RNF123: variants seen among roughly 807,000 people sequenced by gnomAD.
RNF123 encodes the protein E3 ubiquitin-protein ligase RNF123.
A neutral mutation model predicts 168.5 loss-of-function variants in RNF123; 86 were observed. The ratio of observed to expected loss-of-function variants is 0.51; its 90% CI spans 0.43 to 0.61. RNF123 has a LOEUF of 0.61. RNF123 is among the 20% of genes least tolerant of loss of function. RNF123 has a pLI of 0.00. For missense variants in RNF123, 1,419 were observed against 1,729.7 expected, an observed-to-expected ratio of 0.82 and a Z score of 3.19; for synonymous variants, 666 against 689.1, an observed-to-expected ratio of 0.97 and a Z score of 0.52.
Position 49,704,649 on chromosome 3 carries a change from G to A in RNF123, c.1853-1G>A, listed in dbSNP as rs376922086. On this transcript the variant is annotated splice_acceptor_variant, in intron 21 of 38. Coordinates refer to ENST00000327697, the MANE Select transcript of RNF123 (RefSeq NM_022064.5). LOFTEE classifies it high-confidence loss of function. ...GAGAACCCTCCTGCTCTTCCTCCCA[G>A]ATGACCTTGCTTCCAAAGCCAACAT... The A allele has an allele frequency of 6.2e-6, 10 of 1,608,424 alleles. No individual in the cohort carries two copies. The highest frequency in any genetic ancestry group is 8.5e-6 in the Non-Finnish European group (10 of 1,177,456).
chr3:49,697,270 G>A (rs973898023), intron 4 of RNF123, 48 bp downstream of exon 4: 11 of 1,599,394 alleles, frequency 6.9e-6, no homozygotes, highest in Middle Eastern at 1.7e-4. Flanking sequence ...GAGCTGGGAC[G>A]TAGCGGGCCT....
At chr3:49,714,425 CT>C (rs1329329069) in intron 31 of RNF123, among the ~76,000 whole-genome samples, 2 of 152,342 alleles carry the variant, frequency 1.3e-5, no homozygotes, top group African/African-American at 4.8e-5. Flanking sequence ...GGCCTGGATG[CT>C]CTATGTGGGT....
chr3:49,691,207 CTA>C lies in RNF123; in HGVS notation c.45_46del (p.Tyr15Ter). 1 of 1,613,962 alleles carries C rather than the reference CTA, an allele frequency of 6.2e-7. No homozygotes were observed. The highest frequency in any genetic ancestry group is 2.2e-5 in the East Asian group (1 of 44,888). On this transcript the variant is annotated frameshift_variant, in exon 2 of 39. Transcript: ENST00000327697. LOFTEE classifies it high-confidence loss of function. The stretch of plus-strand genomic sequence containing the variant: ...CCGGCATGTCTTTCTCCCGCAAGAG[CTA>C]TAGGCTGACCTCAGATGCTGAGAAA... ...GAGMSFSRKS[Y>X]RLTSDAEKSR... is the part of the protein sequence containing the mutation.
At chr3:49,718,991 G>T in intron 35 of RNF123, 1 of 1,613,838 alleles carries the variant, frequency 6.2e-7, no homozygotes, top group Non-Finnish European at 8.5e-7. Context: ...AGATGGCTGA[G>T]CGCGCGCAGG....
Position 49,703,488 on chromosome 3 carries a change from C to G in RNF123, c.1812C>G (p.Arg604=). 1 of 1,614,002 alleles carries G rather than the reference C, an allele frequency of 6.2e-7. No individual in the cohort carries two copies. The highest frequency in any genetic ancestry group is 8.5e-7 in the Non-Finnish European group (1 of 1,179,948). Residue 604 remains arginine (R), a synonymous_variant, in exon 21 of 39, where the codon CGC becomes CGG. Transcript: ENST00000327697. ...NGKVDYFDLQ[R]LGGLLSHLRK... Reference sequence around the variant, plus strand: ...AGGTGGACTACTTTGACCTGCAGCGCCTGGGGGGCCTCCTCTCGCACCTGC... The same window carrying G: ...AGGTGGACTACTTTGACCTGCAGCGGCTGGGGGGCCTCCTCTCGCACCTGC...
chr3:49,702,987 AC>A (rs1158305813), intron 20 of RNF123, among the ~76,000 whole-genome samples: 2 of 152,078 alleles, frequency 1.3e-5, no homozygotes, highest in Non-Finnish European at 2.9e-5. Flanking sequence ...ACGGGCTCCT[AC>A]CATTGTGGGC....
rs1434633894 is a variant in RNF123, at chr3:49,717,789, T to C, written c.3500+1312T>C. 1.3e-5 allele frequency: 10 copies of C among 773,554 alleles called. No individual in the cohort carries two copies. In the East Asian group the frequency reaches 1.9e-4, roughly 14 times the overall value. 47.9% of individuals were successfully genotyped at this position (773,554 alleles called of 1,614,324 possible). Reference sequence around the variant, plus strand: ...GGTTGGGGACCACAACCCCTGTCTCTACCAGTGAGCGAGAAGGCCCATTGT... The same window carrying C: ...GGTTGGGGACCACAACCCCTGTCTCCACCAGTGAGCGAGAAGGCCCATTGT... On this transcript the variant is annotated intron_variant, in intron 35 of 38. Transcript: ENST00000327697.
rs1346449947 is a variant in RNF123, at chr3:49,712,718, A to G, written c.2674+62A>G. On this transcript the variant is annotated intron_variant, in intron 27 of 38. Coordinates refer to ENST00000327697, the MANE Select transcript of RNF123 (RefSeq NM_022064.5). ...AGGGGTCTCTAGTGTGAGCCCTAGG[A>G]GCCCTGGTCTGAGACCTCTGTGGCC... The G allele has an allele frequency of 3.8e-6, 6 of 1,573,678 alleles. No individual in the cohort carries two copies. The East Asian group carries it at 1.3e-4, about 35-fold the overall frequency.
At chr3:49,717,786 C>T (rs952408920) in intron 35 of RNF123, 3 of 761,308 alleles carry the variant, frequency 3.9e-6, no homozygotes, top group South Asian at 1.9e-5. Context: ...CAACCCCTGT[C>T]TCTACCAGTG....
In RNF123 at chr3:49,720,801, T is replaced by C; in HGVS notation, c.3645T>C (p.Tyr1215=). 1 of 1,614,150 alleles carries C rather than the reference T, an allele frequency of 6.2e-7. No homozygotes were observed. Among genetic ancestry groups the C allele is most frequent in the Non-Finnish European group, 8.5e-7 (1 of 1,180,006 alleles). ...TTGACACTACCTACCACTCCCCAGA[T>C]GCGGATTATATCAGTGCCGATGAGC... The part of the protein sequence containing the change: ...PDRKRFSLQS[Y]ADYISADELA... The change falls in exon 37 of 39, where the codon TAT becomes TAC. Residue 1215 remains tyrosine, a splice_region_variant and synonymous_variant. Coordinates refer to ENST00000327697, the MANE Select transcript of RNF123 (RefSeq NM_022064.5).
intron 26 of RNF123, among the ~76,000 whole-genome samples, chr3:49,711,111 AGCTACTCTGAG>A: frequency 6.6e-6 from 1 of 152,274 alleles, no homozygotes; most frequent in Middle Eastern, 3.4e-3. Context: ...CTGTAGTCCC[AGCTACTCTGAG>A]GTCAGGAGTT....
At chr3:49,703,381 C>A in intron 20 of RNF123, 46 bp from the exon 21 acceptor site, 1 of 1,517,454 alleles carries the variant, frequency 6.6e-7, no homozygotes, top group East Asian at 2.3e-5. Flanking sequence ...GGAGGGTCTT[C>A]CTACTGGGCC....
Position 49,716,177 on chromosome 3 carries a change from G to A in RNF123, c.3415G>A (p.Gly1139Ser). The A allele has an allele frequency of 6.2e-7, 1 of 1,613,426 alleles. No homozygotes were observed. The highest frequency in any genetic ancestry group is 8.5e-7 in the Non-Finnish European group (1 of 1,179,800). Residue 1139 changes from glycine (G) to serine (S), a missense_variant and splice_region_variant, in exon 34 of 39, where the codon GGC (glycine) becomes AGC (serine). Transcript: ENST00000327697. The part of the protein sequence containing the change: ...FDRVVTLRLP[G>S]LESVDHYPIL... The stretch of plus-strand genomic sequence containing the variant: ...TCGTGTGGTCACCCTACGGCTGCCT[G>A]GTGAGGACCTAGATGCCCTGCACCC...
chr3:49,708,498 C>T (rs1408953874), intron 26 of RNF123, among the ~76,000 whole-genome samples: 1 of 143,958 alleles, frequency 6.9e-6, no homozygotes, highest in East Asian at 2.0e-4. Flanking sequence ...CTCTGGCCAG[C>T]GGCTCACAGA....
chr3:49,700,890 A>G (rs959630544), intron 15 of RNF123, among the ~76,000 whole-genome samples, 181 bp downstream of exon 15: 6 of 152,250 alleles, frequency 3.9e-5, no homozygotes, highest in African/African-American at 1.4e-4. Context: ...GAGCCTGGCC[A>G]GCCAGCCTAG....
rs369742686 is a variant in RNF123, at chr3:49,700,639, C to G, written c.1207C>G (p.His403Asp). 2.5e-6 allele frequency: 4 copies of G among 1,614,210 alleles called. No individual in the cohort carries two copies. The highest frequency in any genetic ancestry group is 3.4e-6 in the Non-Finnish European group (4 of 1,180,032). The change falls in exon 15 of 39, where the codon CAT (histidine) becomes GAT (aspartate). Residue 403 changes from histidine (H) to aspartate (D), a missense_variant. By Grantham distance (81) the His-to-Asp change is moderately conservative. Transcript: ENST00000327697. ...TCTGAACGCCCCCTCTCCACAGATCCATTACCTGCGGCTCACTATCGCCAT... is the reference window on the plus strand; with the variant it reads ...TCTGAACGCCCCCTCTCCACAGATCGATTACCTGCGGCTCACTATCGCCAT... ...PIVPDLGLQI[H>D]YLRLTIAILR...
rs775156773 is a variant in RNF123, at chr3:49,691,399, T to G, written c.83-26T>G. The stretch of plus-strand genomic sequence containing the variant: ...GGAGCTGCACTGATCATGTGGCCCT[T>G]TTCTCCCTTCTGACTTGTGGCTCAG... On this transcript the variant is annotated intron_variant, in intron 2 of 38. Coordinates refer to ENST00000327697, the MANE Select transcript of RNF123 (RefSeq NM_022064.5). The G allele has an allele frequency of 5.0e-6, 8 of 1,613,466 alleles. No individual in the cohort carries two copies. The African/African-American group carries it at 9.3e-5, about 19-fold the overall frequency.
intron 19 of RNF123, 54 bp downstream of exon 19, chr3:49,702,459 C>T (rs965306176): frequency 6.9e-6 from 11 of 1,603,214 alleles, no homozygotes; most frequent in Non-Finnish European, 9.4e-6. Context: ...CTACACATGC[C>T]ATGCCCTCAG....
intron 3 of RNF123, among the ~76,000 whole-genome samples, chr3:49,692,807 A>G (rs1332113314): frequency 1.3e-5 from 2 of 152,150 alleles, no homozygotes; most frequent in Non-Finnish European, 2.9e-5. Flanking sequence ...ACAGGATCTC[A>G]TTCTTTTTTA....
Sources: allele counts gnomAD v4.1 joint callset (sites outside exome capture counted in the v4.1 genomes callset), GRCh38; gene constraint gnomAD v4.1.1; transcripts MANE v1.5; gene names NCBI Gene and HGNC (gene_info 2026-07-23, HGNC 2026-07-21).